The following ASPH variants were observed in gnomAD, a reference collection of about 807,000 sequenced individuals.
ASPH encodes the protein aspartate beta-hydroxylase.
In ASPH, 100 loss-of-function variants were observed where a neutral mutation model predicts 118.4. The observed-to-expected ratio is 0.84, with a 90% CI of 0.72 to 1.00. The LOEUF is 1.00. Among genes scored for constraint, ASPH ranks in the 50% least tolerant of loss-of-function variants. The probability of loss-of-function intolerance (pLI) is 0.00; values close to 1 mark genes in which losing one functional copy is unlikely to be tolerated. For missense variants in ASPH, 920 were observed against 919.5 expected (o/e 1.00, Z -0.01); for synonymous variants, 315 against 325.6 (o/e 0.97, Z 0.35).
intron 1 of ASPH, among the ~76,000 whole-genome samples, chr8:61,697,405 G>T (rs1467492449): frequency 6.6e-6 from 1 of 152,176 alleles, no homozygotes; most frequent in African/African-American, 2.4e-5. Context: ...AATCAATTCT[G>T]CAGTAGACAC....
chr8:61,714,216 G>C, intron 1 of ASPH, 53 bp downstream of exon 1: 2 of 1,371,586 alleles, frequency 1.5e-6, no homozygotes, highest in Non-Finnish European at 1.9e-6. Flanking sequence ...CGCGCCAGCC[G>C]GCTCCCTACC....
At position 61,576,831 on chromosome 8, in the gene ASPH, A is replaced by G; in HGVS notation, c.1090T>C (p.Phe364Leu). The G allele has an allele frequency of 6.2e-7, 1 of 1,608,958 alleles. No homozygotes were observed. The highest frequency in any genetic ancestry group is 2.2e-5 in the East Asian group (1 of 44,828). The change falls in exon 16 of 25, where the codon TTT becomes CTT. Residue 364 changes from phenylalanine to leucine, a missense_variant. By Grantham distance (22) the Phe-to-Leu change is conservative (BLOSUM62 0). Transcript: ENST00000379454. ...RGKIEEAVNA[F>L]KELVRKYPQS... ...GGGTATTTGCGTACTAGTTCTTTAAATGCATTCACTGCTTCCTCAATTTTT... is the reference window on the plus strand; with the variant it reads ...GGGTATTTGCGTACTAGTTCTTTAAGTGCATTCACTGCTTCCTCAATTTTT...
intron 1 of ASPH, among the ~76,000 whole-genome samples, chr8:61,704,322 C>A (rs150806612): frequency 6.8e-5 from 10 of 145,992 alleles, no homozygotes; most frequent in African/African-American, 2.5e-4. Context: ...AAAGCAAAGT[C>A]TTTTCAACAC....
chr8:61,578,272 G>A lies in ASPH; in HGVS notation c.1063-1414C>T, dbSNP rs962197939. 131 of 1,587,128 alleles carry A rather than the reference G, an allele frequency of 8.3e-5. No individual in the cohort carries two copies. In the Middle Eastern group the frequency reaches 8.4e-4, roughly 10 times the overall value. ...TACAAGGTGTCCACCTCTGGCCCCC[G>A]GGCCTTCAGCAGCCGCTCCTACACG... On this transcript the variant is annotated intron_variant, in intron 15 of 24. Transcript: ENST00000379454.
At chr8:61,675,537 CCTAT>C (rs1824831045) in intron 3 of ASPH, 2 of 980,096 alleles carry the variant, frequency 2.0e-6, no homozygotes, top group South Asian at 4.7e-5. Flanking sequence ...TTTGTATGAA[CCTAT>C]CTGACAAACC....
intron 3 of ASPH, among the ~76,000 whole-genome samples, chr8:61,654,404 A>G (rs1045964016): frequency 6.6e-6 from 1 of 152,198 alleles, no homozygotes; most frequent in Non-Finnish European, 1.5e-5. Context: ...AGCTAAATTC[A>G]AGAGTTCAAA....
chr8:61,650,185 AG>A (rs1375457159), intron 5 of ASPH, among the ~76,000 whole-genome samples: 1 of 152,156 alleles, frequency 6.6e-6, no homozygotes, highest in Non-Finnish European at 1.5e-5. Flanking sequence ...GGAAGGCTTG[AG>A]GAAGGGGAAG....
chr8:61,618,349 A>T (rs527437648), intron 14 of ASPH, among the ~76,000 whole-genome samples: 1 of 152,340 alleles, frequency 6.6e-6, no homozygotes, highest in East Asian at 1.9e-4. Context: ...GATACTAAAA[A>T]TAGCCACTAT....
chr8:61,639,183 T>C (rs1588475771), intron 10 of ASPH, among the ~76,000 whole-genome samples: 1 of 152,156 alleles, frequency 6.6e-6, no homozygotes, highest in South Asian at 2.1e-4. Flanking sequence ...TGTCAGCATT[T>C]AAACATGCTC....
At chr8:61,520,823 G>T (rs1186545491) in intron 22 of ASPH, among the ~76,000 whole-genome samples, 2 of 152,242 alleles carry the variant, frequency 1.3e-5, no homozygotes, top group East Asian at 3.8e-4. Flanking sequence ...AGGTGGCTGA[G>T]CATGTGCTAC....
chr8:61,566,835 T>C (rs895033874), intron 17 of ASPH, among the ~76,000 whole-genome samples: 40 of 152,228 alleles, frequency 2.6e-4, no homozygotes, highest in African/African-American at 9.6e-4. Context: ...CATTGTCTTT[T>C]AAACCATAAT....
At chr8:61,522,626 G>T (rs1813542416) in intron 22 of ASPH, among the ~76,000 whole-genome samples, 1 of 152,134 alleles carries the variant, frequency 6.6e-6, no homozygotes, top group African/African-American at 2.4e-5. Flanking sequence ...AGATCTGATG[G>T]TTTTATAAGG....
chr8:61,583,151 C>T (rs974048532), intron 15 of ASPH: 8 of 152,138 alleles, frequency 5.3e-5, no homozygotes, highest in East Asian at 3.9e-4. Flanking sequence ...GTCATTTCAT[C>T]TACCAATTAC....
chr8:61,617,839 AG>A (rs1849543345), intron 14 of ASPH, among the ~76,000 whole-genome samples: 1 of 149,672 alleles, frequency 6.7e-6, no homozygotes, highest in South Asian at 2.1e-4. Context: ...AGGCTGAGGC[AG>A]GAGAATTGCT....
chr8:61,617,335 TC>T (rs1451553041), intron 14 of ASPH, among the ~76,000 whole-genome samples: 16 of 152,148 alleles, frequency 1.1e-4, no homozygotes, highest in Non-Finnish European at 8.8e-5. Flanking sequence ...AGAGAATGTA[TC>T]CAGCAAGCCA....
chr8:61,576,381 C>A (rs995748648), intron 16 of ASPH, among the ~76,000 whole-genome samples: 10 of 152,168 alleles, frequency 6.6e-5, no homozygotes, highest in African/African-American at 2.4e-4. Flanking sequence ...GTATGTTCCA[C>A]TTTATATTTT....
intron 3 of ASPH, chr8:61,665,074 G>A: frequency 1.5e-6 from 2 of 1,339,598 alleles, no homozygotes; most frequent in Non-Finnish European, 1.9e-6. Flanking sequence ...TTTACATTTA[G>A]AAGTATGAGA....
rs74612764 is a variant in ASPH at position 61,501,223 on chromosome 8, T to C, written c.*2136A>G. ...ATAGATAGGTAAGAGAAATAAAGAA[T>C]TGAAGTGAATTAGAAAATCCATTTT... On this transcript the variant is annotated 3_prime_UTR_variant, in exon 25 of 25. Transcript: ENST00000379454. 5 of 152,232 alleles carry C rather than the reference T, an allele frequency of 3.3e-5. No homozygotes were observed. The highest frequency in any genetic ancestry group is 2.1e-4 in the South Asian group (1 of 4,832). The allele number at this position is 152,232 out of a possible 1,614,324, so 9.4% of individuals were successfully genotyped here.
At chr8:61,622,184 A>C (rs1010043652) in intron 13 of ASPH, among the ~76,000 whole-genome samples, 2 of 152,110 alleles carry the variant, frequency 1.3e-5, no homozygotes, top group African/African-American at 4.8e-5. Flanking sequence ...CTAAAAATAC[A>C]AAAATTAGCT....
Sources: allele counts gnomAD v4.1 joint callset (sites outside exome capture counted in the v4.1 genomes callset), GRCh38; gene constraint gnomAD v4.1.1; transcripts MANE v1.5; gene names NCBI Gene and HGNC (gene_info 2026-07-23, HGNC 2026-07-21).